KMT2E: variants seen among roughly 807,000 people sequenced by gnomAD.
KMT2E encodes the protein histone reader KMT2E.
Under a neutral mutation model 184.6 loss-of-function variants are expected in KMT2E, and 30 were observed. That is an observed-to-expected ratio of 0.16 (90% CI 0.12 to 0.22). KMT2E has a LOEUF of 0.22. Among genes scored for constraint, KMT2E ranks in the 10% least tolerant of loss-of-function variants. The pLI is 1.00. For synonymous variants in KMT2E, 815 were observed against 776.5 expected (o/e 1.05, Z -0.82); for missense variants, 2,023 against 2,237.4 (o/e 0.90, Z 1.93).
intron 15 of KMT2E, among the ~76,000 whole-genome samples, chr7:105,099,702 T>G (rs1798575508): frequency 6.6e-6 from 1 of 152,232 alleles, no homozygotes. Context: ...GTTTTTTATT[T>G]TACACATACA....
chr7:105,107,665 A>T lies in KMT2E; in HGVS notation c.3208A>T (p.Ser1070Cys). 1 of 1,614,182 alleles carries T rather than the reference A, an allele frequency of 6.2e-7. No individual in the cohort carries two copies. The highest frequency in any genetic ancestry group is 8.5e-7 in the Non-Finnish European group (1 of 1,180,028). ...RGTMYSSWVKSPDRTGVNFSV... is the reference protein window; with the variant it reads ...RGTMYSSWVKCPDRTGVNFSV... The stretch of plus-strand genomic sequence containing the variant: ...CACAATGTATTCTTCCTGGGTAAAG[A>T]GCCCTGACAGAACAGGAGTTAACTT... The change falls in exon 22 of 27, where the codon AGC becomes TGC. Residue 1070 changes from serine (S) to cysteine (C), a missense_variant. Physicochemically the swap from Ser to Cys is moderately radical, Grantham distance 112 (BLOSUM62 -1). Around this residue, in one of 8 missense-constraint regions of KMT2E, gnomAD observed 1,108 missense variants for 1,050.9 expected, o/e 1.05. Coordinates refer to ENST00000311117, the MANE Select transcript of KMT2E (RefSeq NM_182931.3).
Position 105,109,226 on chromosome 7 carries a change from A to G in KMT2E, c.3753A>G (p.Gln1251=), listed in dbSNP as rs776219881. 5.0e-6 allele frequency: 8 copies of G among 1,613,306 alleles called. No individual in the cohort carries two copies. Among genetic ancestry groups the G allele is most frequent in the East Asian group, 2.2e-5 (1 of 44,814 alleles). Residue 1251 remains glutamine (Q), a splice_region_variant and synonymous_variant, in exon 23 of 27, where the codon CAA becomes CAG. Coordinates refer to ENST00000311117, the MANE Select transcript of KMT2E (RefSeq NM_182931.3). ...TASEKNEPEV[Q]WTASTSVEQV... ...GTGAGAAGAATGAACCAGAAGTTCA[A>G]TGGTAAGCCCATTGTGAAGTATGCT... is the stretch of plus-strand genomic sequence containing the variant.
In KMT2E at chr7:105,107,654, C is replaced by G; in HGVS notation, c.3197C>G (p.Ser1066Cys). 1 of 1,614,148 alleles carries G rather than the reference C, an allele frequency of 6.2e-7. No individual in the cohort carries two copies. Among genetic ancestry groups the G allele is most frequent in the South Asian group, 1.1e-5 (1 of 91,090 alleles). The change falls in exon 22 of 27, where the codon TCC becomes TGC. Residue 1066 changes from serine to cysteine, a missense_variant. Ser to Cys is a moderately radical substitution (Grantham distance 112, BLOSUM62 -1). Transcript: ENST00000311117. The stretch of plus-strand genomic sequence containing the variant: ...TCTGGACGGGGCACAATGTATTCTT[C>G]CTGGGTAAAGAGCCCTGACAGAACA... ...THSGRGTMYS[S>C]WVKSPDRTGV...
chr7:105,063,258 T>C (rs1201914185), intron 4 of KMT2E, 93 bp from the exon 5 acceptor site: 1 of 910,230 alleles, frequency 1.1e-6, no homozygotes, highest in African/African-American at 1.7e-5. Flanking sequence ...TCTTGAGTAT[T>C]GAAATTAAGG....
At chr7:105,087,291 T>TATATATAAC (rs1562918750) in intron 13 of KMT2E, among the ~76,000 whole-genome samples, 1 of 147,180 alleles carries the variant, frequency 6.8e-6, no homozygotes, top group East Asian at 2.0e-4. Flanking sequence ...TATGATATAA[T>TATATATAAC]ATATATAATA....
At chr7:105,029,367 A>G (rs181889182) in intron 1 of KMT2E, among the ~76,000 whole-genome samples, 2 of 152,354 alleles carry the variant, frequency 1.3e-5, no homozygotes, top group African/African-American at 4.8e-5. Context: ...AGAACATAGT[A>G]TATGTTCAAT....
intron 3 of KMT2E, among the ~76,000 whole-genome samples, chr7:105,054,451 T>C (rs1796480379): frequency 1.5e-5 from 1 of 65,072 alleles, no homozygotes; most frequent in African/African-American, 8.4e-5. Flanking sequence ...AGTTGCTCTG[T>C]CTGTCTGTCT....
chr7:105,064,857 G>A (rs1267713284), intron 5 of KMT2E, among the ~76,000 whole-genome samples: 1 of 151,924 alleles, frequency 6.6e-6, no homozygotes, highest in East Asian at 1.9e-4. Context: ...GCTTTCTCTT[G>A]GCTGATTTTG....
rs917218989 is a variant in KMT2E, at chr7:105,040,879, G to A, written c.-74G>A. 2 of 1,069,052 alleles carry A rather than the reference G, an allele frequency of 1.9e-6. No individual in the cohort carries two copies. The highest frequency in any genetic ancestry group is 2.8e-6 in the Non-Finnish European group (2 of 704,658). 66.2% of individuals were successfully genotyped at this position (1,069,052 alleles called of 1,614,324 possible). A position where few individuals can be genotyped will look rare whatever the true frequency, so the allele number is the denominator to read the frequency against. On this transcript the variant is annotated 5_prime_UTR_variant, in exon 3 of 27. Transcript: ENST00000311117. ...TTAGATGTTTGCAATGAGCACTGTG[G>A]CTGGCATGCCCCAGTGTTTTGGATA...
chr7:105,051,920 C>G (rs1326180229), intron 3 of KMT2E, among the ~76,000 whole-genome samples: 1 of 152,158 alleles, frequency 6.6e-6, no homozygotes, highest in Non-Finnish European at 1.5e-5. Flanking sequence ...ACACTTTTAT[C>G]CATTTCTACT....
At chr7:105,077,532 A>G in intron 11 of KMT2E, 99 bp downstream of exon 11, 1 of 892,462 alleles carries the variant, frequency 1.1e-6, no homozygotes, top group Non-Finnish European at 1.8e-6. Flanking sequence ...TTTTTTTCCT[A>G]CATGATCATT....
intron 15 of KMT2E, 33 bp from the exon 16 acceptor site, chr7:105,101,392 T>C (rs1264526016): frequency 7.0e-7 from 1 of 1,434,042 alleles, no homozygotes; most frequent in Admixed American, 2.4e-5. Flanking sequence ...AGCATTGATA[T>C]TTATGATGTC....
chr7:105,078,898 G>A lies in KMT2E; in HGVS notation c.1183G>A (p.Val395Ile). The change falls in exon 12 of 27, where the codon GTT (valine) becomes ATT (isoleucine). Residue 395 changes from valine (V) to isoleucine (I), a missense_variant. Around this residue, in one of 8 missense-constraint regions of KMT2E, gnomAD observed 68 missense variants for 133.1 expected, o/e 0.51. Coordinates refer to ENST00000311117, the MANE Select transcript of KMT2E (RefSeq NM_182931.3). The part of the protein sequence containing the change: ...YSKFHGLEMC[V>I]DARTFGNEAR... The stretch of plus-strand genomic sequence containing the variant: ...TAAATTTCATGGGCTAGAAATGTGT[G>A]TTGATGCAAGGACTTTTGGGAATGA... The A allele has an allele frequency of 6.2e-7, 1 of 1,610,988 alleles. No homozygotes were observed. Among genetic ancestry groups the A allele is most frequent in the African/African-American group, 1.3e-5 (1 of 74,826 alleles).
chr7:105,091,442 ATTTGG>A (rs1190008369), intron 15 of KMT2E, 128 bp downstream of exon 15: 3 of 699,174 alleles, frequency 4.3e-6, no homozygotes, highest in East Asian at 2.7e-5. Context: ...GAGCATTTTT[ATTTGG>A]TTTGGTCATT....
At position 105,082,251 on chromosome 7, in the gene KMT2E, T is replaced by G. The variant is rs1797785353; in HGVS notation, c.1358+454T>G. On this transcript the variant is annotated intron_variant, in intron 13 of 26. Transcript: ENST00000311117. ...AAAGAAACTCTAAGAACTATTTTTC[T>G]GAAATACTAGTAAAAAACTAATGAT... Among the ~76,000 whole-genome samples the G allele has an allele frequency of 2.0e-5, 3 of 152,212 alleles. No homozygotes were observed. In the South Asian group the frequency reaches 6.2e-4, roughly 31 times the overall value.
intron 15 of KMT2E, among the ~76,000 whole-genome samples, chr7:105,094,858 C>T (rs184402170): frequency 6.6e-6 from 1 of 152,280 alleles, no homozygotes; most frequent in East Asian, 1.9e-4. Context: ...CAAAAAACAG[C>T]ACTGTATATA....
chr7:105,030,401 GGAAT>G (rs1033778549), intron 1 of KMT2E, among the ~76,000 whole-genome samples: 3 of 152,108 alleles, frequency 2.0e-5, no homozygotes, highest in African/African-American at 7.2e-5. Flanking sequence ...AATTTGAAGA[GGAAT>G]GAGCAAGGAT....
At position 105,078,869 on chromosome 7, in the gene KMT2E, A is replaced by G; in HGVS notation, c.1154A>G (p.Tyr385Cys). ...AGACCATACCCTTTTGTGTTATTCT[A>G]CTCTAAATTTCATGGGCTAGAAATG... ...FKRPYPFVLF[Y>C]SKFHGLEMCV... is the part of the protein sequence containing the mutation. Residue 385 changes from tyrosine (Y) to cysteine (C), a missense_variant, in exon 12 of 27, where the codon TAC becomes TGC. By Grantham distance (194) the Tyr-to-Cys change is radical. Coordinates refer to ENST00000311117, the MANE Select transcript of KMT2E (RefSeq NM_182931.3). 1 of 1,595,516 alleles carries G rather than the reference A, an allele frequency of 6.3e-7. No individual in the cohort carries two copies. The highest frequency in any genetic ancestry group is 8.6e-7 in the Non-Finnish European group (1 of 1,164,406).
chr7:105,021,553 G>A (rs920490069), intron 1 of KMT2E, among the ~76,000 whole-genome samples: 7 of 152,150 alleles, frequency 4.6e-5, no homozygotes, highest in Non-Finnish European at 8.8e-5. Context: ...TAATTTATTT[G>A]AAGAAAGTAC....
Sources: allele counts gnomAD v4.1 joint callset (sites outside exome capture counted in the v4.1 genomes callset), GRCh38; gene constraint gnomAD v4.1.1; regional missense constraint gnomAD v4.1.1; transcripts MANE v1.5; gene names NCBI Gene and HGNC (gene_info 2026-07-23, HGNC 2026-07-21).